Variants in PRKCA observed in about 807,000 individuals in gnomAD.
PRKCA encodes the protein protein kinase C alpha.
Under a neutral mutation model 87.0 loss-of-function variants are expected in PRKCA, and 27 were observed. The observed-to-expected ratio is 0.31, with a 90% CI of 0.23 to 0.43. PRKCA has a LOEUF of 0.43. Ranked by LOEUF, PRKCA falls within the 20% of genes least tolerant of loss-of-function variation. The pLI, the probability that PRKCA is intolerant of heterozygous loss-of-function variation, is 1.00. For missense variants in PRKCA, 518 were observed against 852.3 expected, an observed-to-expected ratio of 0.61 and a Z score of 4.88; for synonymous variants, 329 against 311.1, an observed-to-expected ratio of 1.06 and a Z score of -0.61.
At chr17:66,591,646 C>T (rs1969807150) in intron 3 of PRKCA, among the ~76,000 whole-genome samples, 1 of 151,990 alleles carries the variant, frequency 6.6e-6, no homozygotes, top group African/African-American at 2.4e-5. Context: ...AATTATAGGC[C>T]ATGAGGATTT....
At chr17:66,546,935 C>T (rs1167463035) in intron 3 of PRKCA, among the ~76,000 whole-genome samples, 1 of 152,124 alleles carries the variant, frequency 6.6e-6, no homozygotes, top group Non-Finnish European at 1.5e-5. Flanking sequence ...CTTGTATTTC[C>T]CCTCATTTTG....
At chr17:66,315,270 G>A (rs1228405955) in intron 2 of PRKCA, among the ~76,000 whole-genome samples, 1 of 152,134 alleles carries the variant, frequency 6.6e-6, no homozygotes, top group Non-Finnish European at 1.5e-5. Context: ...CAGGCACTGA[G>A]GCACAGGGAG....
intron 3 of PRKCA, among the ~76,000 whole-genome samples, chr17:66,630,498 C>T (rs749548602): frequency 6.6e-6 from 1 of 152,238 alleles, no homozygotes; most frequent in African/African-American, 2.4e-5. Context: ...TTAGCTGCTT[C>T]AAGAAGCATT....
chr17:66,581,391 A>T (rs1474833284), intron 3 of PRKCA, among the ~76,000 whole-genome samples: 1 of 152,234 alleles, frequency 6.6e-6, no homozygotes, highest in Non-Finnish European at 1.5e-5. Flanking sequence ...CATAATTTTC[A>T]CTTGTCACAA....
chr17:66,380,266 A>G (rs1335072680), intron 2 of PRKCA, among the ~76,000 whole-genome samples: 4 of 152,054 alleles, frequency 2.6e-5, no homozygotes, highest in African/African-American at 7.2e-5. Context: ...AAAGTATGCA[A>G]CTTGATTGTC....
At chr17:66,618,326 G>A (rs1970571096) in intron 3 of PRKCA, among the ~76,000 whole-genome samples, 1 of 145,756 alleles carries the variant, frequency 6.9e-6, no homozygotes, top group African/African-American at 2.6e-5. Flanking sequence ...TTGCACTCCA[G>A]CCTGGCCAAT....
At chr17:66,649,639 A>C (rs1462331500) in intron 5 of PRKCA, among the ~76,000 whole-genome samples, 1 of 152,192 alleles carries the variant, frequency 6.6e-6, no homozygotes, top group East Asian at 1.9e-4. Context: ...TCTCTTATTA[A>C]TTAGAGTCTC....
In PRKCA at chr17:66,368,358, G is replaced by A. The variant is rs71376935; in HGVS notation, c.205+62231G>A. On this transcript the variant is annotated intron_variant, in intron 2 of 16. Transcript: ENST00000413366. Reference sequence around the variant, plus strand: ...TATATATGTGTGTGTGTGTGTGTGTGTATATGTATATATATATATATATAT... The same window carrying A: ...TATATATGTGTGTGTGTGTGTGTGTATATATGTATATATATATATATATAT... Among the ~76,000 whole-genome samples the A allele has an allele frequency of 4.4e-3, 185 of 42,520 alleles. 1 individual carries two copies. The highest frequency in any genetic ancestry group is 0.016 in the African/African-American group (165 of 10,478). 27.9% of individuals were successfully genotyped at this position (42,520 alleles called of 152,430 possible).
intron 3 of PRKCA, among the ~76,000 whole-genome samples, chr17:66,617,787 A>T (rs1291570476): frequency 1.3e-5 from 2 of 152,218 alleles, no homozygotes; most frequent in Non-Finnish European, 2.9e-5. Flanking sequence ...TGAAGCACTT[A>T]TATGACTATC....
At chr17:66,567,582 C>G (rs1163180293) in intron 3 of PRKCA, among the ~76,000 whole-genome samples, 1 of 152,184 alleles carries the variant, frequency 6.6e-6, no homozygotes, top group Non-Finnish European at 1.5e-5. Context: ...GTTTTGGTCT[C>G]AGTTTCCACC....
intron 2 of PRKCA, among the ~76,000 whole-genome samples, chr17:66,430,160 A>G (rs1445624507): frequency 6.6e-6 from 1 of 151,946 alleles, no homozygotes; most frequent in African/African-American, 2.4e-5. Context: ...CTCCTTTTCC[A>G]TCAAGGTTCC....
chr17:66,580,677 C>T (rs746209228), intron 3 of PRKCA, among the ~76,000 whole-genome samples: 7 of 152,134 alleles, frequency 4.6e-5, no homozygotes, highest in Admixed American at 3.3e-4. Context: ...TGTCAGTGTG[C>T]GGTAAAGTGG....
At chr17:66,433,905 G>A (rs564898118) in intron 2 of PRKCA, among the ~76,000 whole-genome samples, 1 of 152,232 alleles carries the variant, frequency 6.6e-6, no homozygotes, top group Non-Finnish European at 1.5e-5. Context: ...TGGGCACCTG[G>A]TTGTTAACTG....
chr17:66,748,160 C>T (rs981099227), intron 13 of PRKCA, among the ~76,000 whole-genome samples: 2 of 152,330 alleles, frequency 1.3e-5, no homozygotes, highest in African/African-American at 4.8e-5. Flanking sequence ...GGGCATACTC[C>T]TGGGAGGACT....
At chr17:66,425,417 C>T (rs1486970377) in intron 2 of PRKCA, among the ~76,000 whole-genome samples, 1 of 152,070 alleles carries the variant, frequency 6.6e-6, no homozygotes, top group Non-Finnish European at 1.5e-5. Flanking sequence ...CAGGCCAGGC[C>T]TTCCCCACGG....
intron 8 of PRKCA, among the ~76,000 whole-genome samples, chr17:66,707,842 A>C (rs969585456): frequency 2.0e-5 from 3 of 152,208 alleles, no homozygotes; most frequent in African/African-American, 7.2e-5. Context: ...AGTCTGACCC[A>C]GGCCACAAGT....
chr17:66,384,727 T>C (rs907764942), intron 2 of PRKCA, among the ~76,000 whole-genome samples: 4 of 152,056 alleles, frequency 2.6e-5, no homozygotes, highest in African/African-American at 9.7e-5. Flanking sequence ...CTCCCGTGTT[T>C]ATGCCATTCT....
At chr17:66,696,504 A>G (rs1972926537) in intron 8 of PRKCA, 1 of 152,216 alleles carries the variant, frequency 6.6e-6, no homozygotes, top group Non-Finnish European at 1.5e-5. Flanking sequence ...TGCTTAGACT[A>G]GTACCTGGCA....
chr17:66,633,381 G>A (rs1971073013), intron 3 of PRKCA, among the ~76,000 whole-genome samples: 1 of 151,954 alleles, frequency 6.6e-6, no homozygotes, highest in African/African-American at 2.4e-5. Context: ...TGCTAGATTT[G>A]CCCTTGAAGC....
Sources: allele counts gnomAD v4.1 joint callset (sites outside exome capture counted in the v4.1 genomes callset), GRCh38; gene constraint gnomAD v4.1.1; transcripts MANE v1.5; gene names NCBI Gene and HGNC (gene_info 2026-07-23, HGNC 2026-07-21).